The following PLB1 variants were observed in gnomAD, a reference collection of about 807,000 sequenced individuals.
PLB1 encodes phospholipase B1, membrane-associated.
A neutral mutation model predicts 227.4 loss-of-function variants in PLB1; 242 were observed. The observed-to-expected ratio is 1.06, with a 90% CI of 0.96 to 1.18. The LOEUF is 1.18. PLB1 is among the 50% of genes most tolerant of loss of function. The pLI, the probability that PLB1 is intolerant of heterozygous loss-of-function variation, is 0.00. For missense variants in PLB1, 1,858 were observed against 1,816.3 expected (o/e 1.02, Z -0.42); for synonymous variants, 757 against 682.2 (o/e 1.11, Z -1.71).
chr2:28,601,575 T>C (rs1346752532), intron 37 of PLB1, among the ~76,000 whole-genome samples: 1 of 152,106 alleles, frequency 6.6e-6, no homozygotes, highest in Non-Finnish European at 1.5e-5. Flanking sequence ...GTGGCAGATA[T>C]ATGGTATTTC....
At chr2:28,629,920 A>T (rs1277890691) in intron 53 of PLB1, among the ~76,000 whole-genome samples, 1 of 152,146 alleles carries the variant, frequency 6.6e-6, no homozygotes, top group African/African-American at 2.4e-5. Flanking sequence ...TTCTCCAGGG[A>T]GCTGAGGAGT....
At chr2:28,606,090 G>T in intron 42 of PLB1, 142 bp downstream of exon 42, 1 of 663,266 alleles carries the variant, frequency 1.5e-6, no homozygotes, top group Non-Finnish European at 2.6e-6. Flanking sequence ...TGGAAATGCG[G>T]AGTCCTTAAG....
intron 18 of PLB1, among the ~76,000 whole-genome samples, chr2:28,564,830 G>A (rs1676616222): frequency 6.6e-6 from 1 of 150,980 alleles, no homozygotes; most frequent in Non-Finnish European, 1.5e-5. Context: ...AGCTGATGAC[G>A]GCTACGTGGG....
intron 14 of PLB1, among the ~76,000 whole-genome samples, chr2:28,545,302 G>T (rs1673076996): frequency 6.6e-6 from 1 of 152,158 alleles, no homozygotes; most frequent in South Asian, 2.1e-4. Context: ...AGGGACATGG[G>T]GGGCAGGGAG....
At chr2:28,575,277 A>G (rs553174865) in intron 21 of PLB1, among the ~76,000 whole-genome samples, 8 of 152,258 alleles carry the variant, frequency 5.3e-5, no homozygotes, top group African/African-American at 1.4e-4. Context: ...TATGTTGAGC[A>G]TTTTTTAATG....
intron 47 of PLB1, 123 bp downstream of exon 47, chr2:28,620,455 G>C (rs930271894): frequency 2.2e-6 from 3 of 1,350,464 alleles, no homozygotes; most frequent in African/African-American, 1.5e-5. Flanking sequence ...TGAGACAGGA[G>C]ACTCAATGCT....
At position 28,582,087 on chromosome 2, in the gene PLB1, A is replaced by G; in HGVS notation, c.1586A>G (p.Asn529Ser). 1 of 1,614,028 alleles carries G rather than the reference A, an allele frequency of 6.2e-7. No individual in the cohort carries two copies. Residue 529 changes from asparagine to serine, a missense_variant, in exon 24 of 58, where the codon AAC (asparagine) becomes AGC (serine). By Grantham distance (46) the Asn-to-Ser change is conservative. Coordinates refer to ENST00000327757, the MANE Select transcript of PLB1 (RefSeq NM_153021.5). ...CTGCAGGTCCACTATTCTCCCCAGA[A>G]CTTCACAGACAACATTGGAAAGGCC... ...CNDLVHYSPQ[N>S]FTDNIGKALD...
chr2:28,589,959 C>A, intron 28 of PLB1, 46 bp from the exon 29 acceptor site: 1 of 1,559,838 alleles, frequency 6.4e-7, no homozygotes, highest in South Asian at 1.1e-5. Context: ...GCTTTCCATT[C>A]TGGCCGCCTC....
chr2:28,570,716 G>A (rs1049379430), intron 20 of PLB1, among the ~76,000 whole-genome samples: 1 of 152,210 alleles, frequency 6.6e-6, no homozygotes, highest in Non-Finnish European at 1.5e-5. Context: ...AGCCTGGGAG[G>A]CAGAGGTTGC....
At chr2:28,583,067 G>A (rs1026087584) in intron 25 of PLB1, among the ~76,000 whole-genome samples, 6 of 152,180 alleles carry the variant, frequency 3.9e-5, no homozygotes, top group African/African-American at 1.4e-4. Flanking sequence ...CTGAGAAGGT[G>A]CCTGAGAGGA....
chr2:28,571,024 T>G (rs1309936101), intron 20 of PLB1, among the ~76,000 whole-genome samples: 1 of 152,074 alleles, frequency 6.6e-6, no homozygotes. Flanking sequence ...GTACCAAGAT[T>G]GGAAATAAAG....
chr2:28,618,586 C>A, intron 46 of PLB1, 187 bp downstream of exon 46: 1 of 605,904 alleles, frequency 1.7e-6, no homozygotes. Context: ...CTTCCCAGTT[C>A]TGCTCAAAGC....
chr2:28,533,733 A>G (rs1671319554), intron 9 of PLB1, among the ~76,000 whole-genome samples: 1 of 152,230 alleles, frequency 6.6e-6, no homozygotes, highest in African/African-American at 2.4e-5. Context: ...TGCATTTATG[A>G]ATACTTAGAC....
chr2:28,628,072 G>A (rs530985586), intron 51 of PLB1, among the ~76,000 whole-genome samples: 2 of 152,304 alleles, frequency 1.3e-5, no homozygotes, highest in Admixed American at 1.3e-4. Context: ...CCTCCTACTG[G>A]GGAGATGGTT....
intron 17 of PLB1, among the ~76,000 whole-genome samples, chr2:28,562,540 C>CAAAAAAAAAA (rs60393903): frequency 0.016 from 672 of 42,576 alleles, 208 homozygotes; most frequent in African/African-American, 0.072. Flanking sequence ...GACTCTGTCT[C>CAAAAAAAAAA]AAAAAAAAAA....
intron 10 of PLB1, 113 bp from the exon 11 acceptor site, chr2:28,538,986 G>A: frequency 2.5e-6 from 2 of 798,398 alleles, no homozygotes; most frequent in East Asian, 2.5e-5. Context: ...TAACCAAGGG[G>A]AGGCCCATCA....
At chr2:28,534,096 ACTG>A (rs1671362583) in intron 9 of PLB1, among the ~76,000 whole-genome samples, 1 of 152,208 alleles carries the variant, frequency 6.6e-6, no homozygotes. Context: ...TGTATGTACT[ACTG>A]AACAGTTTTT....
chr2:28,550,153 T>C, intron 16 of PLB1, 69 bp downstream of exon 16: 1 of 1,255,106 alleles, frequency 8.0e-7, no homozygotes, highest in South Asian at 1.4e-5. Context: ...TGCTGAATCT[T>C]TCGAACCTTC....
chr2:28,563,279 C>T (rs1030475508), intron 18 of PLB1, among the ~76,000 whole-genome samples, 180 bp downstream of exon 18: 4 of 152,284 alleles, frequency 2.6e-5, no homozygotes, highest in East Asian at 1.9e-4. Flanking sequence ...ATTCCCTTCC[C>T]ATCATGGTTT....
Sources: allele counts gnomAD v4.1 joint callset (sites outside exome capture counted in the v4.1 genomes callset), GRCh38; gene constraint gnomAD v4.1.1; transcripts MANE v1.5; gene names NCBI Gene and HGNC (gene_info 2026-07-23, HGNC 2026-07-21).